Variants in INO80D observed in about 807,000 individuals in gnomAD.
The protein encoded by INO80D is INO80 complex subunit D.
INO80D carries 21 observed loss-of-function variants against 87.6 expected under a neutral mutation model. That is an observed-to-expected ratio of 0.24 (90% CI 0.17 to 0.35). The LOEUF (loss-of-function observed/expected upper bound fraction) is 0.35, where lower values mean the gene tolerates loss of function less well. Among genes scored for constraint, INO80D ranks in the 10% least tolerant of loss-of-function variants. INO80D has a pLI of 1.00. For synonymous variants in INO80D, 440 were observed against 491.0 expected, an observed-to-expected ratio of 0.90 and a Z score of 1.37; for missense variants, 982 against 1,280.7, an observed-to-expected ratio of 0.77 and a Z score of 3.56.
rs1687914174 is a variant in INO80D at position 206,001,997 on chromosome 2, T to C, written c.*2371A>G. The C allele has an allele frequency of 6.6e-6, 1 of 152,186 alleles. No homozygotes were observed. The highest frequency in any genetic ancestry group is 2.1e-4 in the South Asian group (1 of 4,830). The allele number at this position is 152,186 out of a possible 1,614,324, so 9.4% of individuals were successfully genotyped here. A position where few individuals can be genotyped will look rare whatever the true frequency, so the allele number is the denominator to read the frequency against. ...TTACTGCAAACTCAGCTTTGTATCA[T>C]AACTGAAGAATTTCAAGCAGCTAAC... On this transcript the variant is annotated 3_prime_UTR_variant, in exon 11 of 11. Transcript: ENST00000403263.
At chr2:206,073,202 C>A (rs1690020979) in intron 1 of INO80D, among the ~76,000 whole-genome samples, 1 of 152,130 alleles carries the variant, frequency 6.6e-6, no homozygotes, top group African/African-American at 2.4e-5. Flanking sequence ...GGAAACAGAT[C>A]AATATCTGGT....
chr2:206,048,060 C>T (rs1028654631), intron 4 of INO80D, among the ~76,000 whole-genome samples: 32 of 151,744 alleles, frequency 2.1e-4, no homozygotes, highest in Non-Finnish European at 2.4e-4. Context: ...TTTCACCGTG[C>T]TAGCCAGGAT....
chr2:206,056,406 T>C lies in INO80D; in HGVS notation c.756A>G (p.Ile252Met), dbSNP rs1301078965. ...MQGVAPTTHT[I>M]AQARQLSHKR... ...TGTGAGACAACTGCCGTGCTTGTGC[T>C]ATAGTGTGTGTGGTGGGTGCCACTC... Residue 252 changes from isoleucine (I) to methionine (M), a missense_variant, in exon 4 of 11, where the codon ATA (isoleucine) becomes ATG (methionine). Transcript: ENST00000403263. 1 of 1,613,880 alleles carries C rather than the reference T, an allele frequency of 6.2e-7. No homozygotes were observed. Among genetic ancestry groups the C allele is most frequent in the Non-Finnish European group, 8.5e-7 (1 of 1,179,860 alleles).
rs867280722 is a variant in INO80D, at chr2:206,027,453, C to T, written c.1298+658G>A. 5.3e-5 allele frequency among the ~76,000 whole-genome samples: 8 copies of T among 152,304 alleles called. No individual in the cohort carries two copies. The Middle Eastern group carries it at 0.01, about 194-fold the overall frequency. On this transcript the variant is annotated intron_variant, in intron 6 of 10. Transcript: ENST00000403263. ...GTGGCTAACACCTCTAATCCCAACA[C>T]TTTGGGAGGTAAAGGTGGGAGGATC...
intron 1 of INO80D, among the ~76,000 whole-genome samples, chr2:206,069,099 C>T (rs1284465817): frequency 2.0e-5 from 3 of 152,006 alleles, no homozygotes; most frequent in Admixed American, 1.3e-4. Flanking sequence ...TTGCCTTTAG[C>T]CTTTAATTTA....
At chr2:206,080,572 T>C (rs1315748416) in intron 1 of INO80D, among the ~76,000 whole-genome samples, 1 of 152,156 alleles carries the variant, frequency 6.6e-6, no homozygotes, top group Admixed American at 6.6e-5. Flanking sequence ...GTATTATTAA[T>C]ATATACTGAG....
Position 206,062,015 on chromosome 2 carries a change from AAGAT to A in INO80D, c.218+780_218+783del, listed in dbSNP as rs1689702803. Among the ~76,000 whole-genome samples, 2 of 152,336 alleles carry A rather than the reference AAGAT, an allele frequency of 1.3e-5. No homozygotes were observed. Among genetic ancestry groups the A allele is most frequent in the South Asian group, 4.1e-4 (2 of 4,832 alleles). ...AGCACAGAGAAGAGATTATATATGA[AAGAT>A]AGTGTGAATTTTCCTAACAATATGA... On this transcript the variant is annotated intron_variant, in intron 3 of 10. Transcript: ENST00000403263. This position sits in a 1 kb window ranked among gnomAD's most constrained non-coding sequence, Gnocchi z 4.6.
At position 206,084,266 on chromosome 2, in the gene INO80D, CACACACA is replaced by C. The variant is rs1690371019; in HGVS notation, c.-124+1628_-124+1634del. On this transcript the variant is annotated intron_variant, in intron 1 of 10. Transcript: ENST00000403263. ...ACACACACACACACACACACACACA[CACACACA>C]CCCCAAAACCAAAGTAGTTTTGCTA... is the stretch of plus-strand genomic sequence containing the variant. Among the ~76,000 whole-genome samples, 2 of 147,290 alleles carry C rather than the reference CACACACA, an allele frequency of 1.4e-5. 1 individual carries two copies. Among genetic ancestry groups the C allele is most frequent in the Admixed American group, 1.4e-4 (2 of 14,690 alleles).
chr2:205,994,763 T>C lies in INO80D; in HGVS notation c.*9605A>G, dbSNP rs1687777824. On this transcript the variant is annotated 3_prime_UTR_variant, in exon 11 of 11. Transcript: ENST00000403263. ...AAAATAAAATAATATTTAATCGTTC[T>C]TCCTTAATAGTCTTGCATTCAGTGT... is the stretch of plus-strand genomic sequence containing the variant. 1 of 152,076 alleles carries C rather than the reference T, an allele frequency of 6.6e-6. No individual in the cohort carries two copies. The highest frequency in any genetic ancestry group is 1.5e-5 in the Non-Finnish European group (1 of 68,010). The allele number at this position is 152,076 out of a possible 1,614,324, so 9.4% of individuals were successfully genotyped here. A position where few individuals can be genotyped will look rare whatever the true frequency, so the allele number is the denominator to read the frequency against.
intron 1 of INO80D, among the ~76,000 whole-genome samples, chr2:206,072,814 G>A (rs975651277): frequency 6.7e-6 from 1 of 148,766 alleles, no homozygotes; most frequent in African/African-American, 2.5e-5. Flanking sequence ...CATTACTTTT[G>A]TAATAATTTT....
At chr2:206,015,933 T>C (rs1298037098) in intron 8 of INO80D, among the ~76,000 whole-genome samples, 3 of 151,858 alleles carry the variant, frequency 2.0e-5, no homozygotes, top group Non-Finnish European at 2.9e-5. Context: ...AGGCAGAAGT[T>C]TGCTGTAGGA....
intron 10 of INO80D, among the ~76,000 whole-genome samples, chr2:206,006,437 C>G (rs185195497): frequency 1.3e-5 from 2 of 152,096 alleles, no homozygotes; most frequent in Admixed American, 6.5e-5. Flanking sequence ...AATCCCAGCA[C>G]GTTGGGAGGC....
intron 5 of INO80D, among the ~76,000 whole-genome samples, chr2:206,035,395 C>T (rs551550100): frequency 6.6e-6 from 1 of 152,064 alleles, no homozygotes; most frequent in African/African-American, 2.4e-5. Flanking sequence ...AAAATGGGCA[C>T]ACAGACCAAC....
intron 1 of INO80D, among the ~76,000 whole-genome samples, chr2:206,083,989 G>C (rs1351549986): frequency 1.3e-5 from 2 of 151,326 alleles, no homozygotes; most frequent in Non-Finnish European, 1.5e-5. Flanking sequence ...CAACACTCAA[G>C]AACAACAAGG....
At position 206,083,678 on chromosome 2, in the gene INO80D, G is replaced by T. The variant is rs534609685; in HGVS notation, c.-124+2223C>A. Among the ~76,000 whole-genome samples, 341 of 152,196 alleles carry T rather than the reference G, an allele frequency of 2.2e-3. 1 individual carries two copies. The highest frequency in any genetic ancestry group is 7.8e-3 in the African/African-American group (324 of 41,538). On this transcript the variant is annotated intron_variant, in intron 1 of 10. Transcript: ENST00000403263. Reference sequence around the variant, plus strand: ...AGAATCACATGAGTCTCATTTCGAAGCCTCACGGAAGTCAGCACTGAAAGT... The same window carrying T: ...AGAATCACATGAGTCTCATTTCGAATCCTCACGGAAGTCAGCACTGAAAGT...
At chr2:206,044,343 G>C (rs1457944859) in intron 5 of INO80D, among the ~76,000 whole-genome samples, 1 of 152,006 alleles carries the variant, frequency 6.6e-6, no homozygotes, top group Non-Finnish European at 1.5e-5. Flanking sequence ...TCCCTGACTG[G>C]AGCATAATAG....
intron 3 of INO80D, among the ~76,000 whole-genome samples, chr2:206,061,830 CATGG>C (rs1310362517): frequency 1.3e-5 from 2 of 152,268 alleles, no homozygotes; most frequent in East Asian, 3.9e-4. Flanking sequence ...TGTATAGAAA[CATGG>C]ATGAAGGTTG....
At chr2:206,072,030 C>T (rs1689985728) in intron 1 of INO80D, among the ~76,000 whole-genome samples, 1 of 152,092 alleles carries the variant, frequency 6.6e-6, no homozygotes, top group African/African-American at 2.4e-5. Flanking sequence ...GCACAGTTTG[C>T]AACTCAGCCC....
chr2:206,021,971 A>G (rs985384223), intron 6 of INO80D, among the ~76,000 whole-genome samples: 1 of 152,172 alleles, frequency 6.6e-6, no homozygotes. Context: ...TTCAAAGACT[A>G]GTGTACAATA....
Sources: gnomAD v4.1 joint callset for allele counts (sites outside exome capture counted in the v4.1 genomes callset) on GRCh38, gnomAD v4.1.1 for gene constraint, Gnocchi (gnomAD v3.1) non-coding constraint, MANE v1.5 for transcripts, NCBI Gene and HGNC (gene_info 2026-07-23, HGNC 2026-07-21) for gene names.